The following ZNF7 variants were observed in gnomAD, a reference collection of about 807,000 sequenced individuals.
ZNF7 encodes zinc finger protein 7.
A neutral mutation model predicts 12.0 loss-of-function variants in ZNF7; 10 were observed. The observed-to-expected ratio is 0.83, with a 90% confidence interval of 0.51 to 1.42. The LOEUF (loss-of-function observed/expected upper bound fraction) is 1.42. Ranked by LOEUF, ZNF7 falls within the 40% of genes most tolerant of loss-of-function variation. ZNF7 has a pLI of 0.00. For synonymous variants in ZNF7, 334 were observed against 295.0 expected, an observed-to-expected ratio of 1.13 and a Z score of -1.35; for missense variants, 854 against 837.2, an observed-to-expected ratio of 1.02 and a Z score of -0.25.
At chr8:144,831,600 G>A (rs955315531) in intron 3 of ZNF7, among the ~76,000 whole-genome samples, 2 of 151,874 alleles carry the variant, frequency 1.3e-5, no homozygotes, top group East Asian at 3.9e-4. Context: ...TGGCCAACAG[G>A]GTGAAACCCC....
Position 144,842,771 on chromosome 8 carries a change from G to C in ZNF7, c.1664G>C (p.Cys555Ser). 1 of 1,614,202 alleles carries C rather than the reference G, an allele frequency of 6.2e-7. No homozygotes were observed. Among genetic ancestry groups the C allele is most frequent in the Admixed American group, 1.7e-5 (1 of 60,032 alleles). Reference sequence around the variant, plus strand: ...CACACTGGAGAGAGGCCCTATAAATGTAATGAATGTGGGAAAGCCTTCAGT... The same window carrying C: ...CACACTGGAGAGAGGCCCTATAAATCTAATGAATGTGGGAAAGCCTTCAGT... The part of the protein sequence containing the change: ...RVHTGERPYK[C>S]NECGKAFSQN... Residue 555 changes from cysteine to serine, a missense_variant, in exon 5 of 5, where the codon TGT becomes TCT. Coordinates refer to ENST00000532777, the MANE Select transcript of ZNF7 (RefSeq NM_003416.4).
In ZNF7 at chr8:144,842,725, C is replaced by T. The variant is rs775311498; in HGVS notation, c.1618C>T (p.Leu540Phe). Residue 540 changes from leucine (L) to phenylalanine (F), a missense_variant, in exon 5 of 5, where the codon CTT (leucine) becomes TTT (phenylalanine). Transcript: ENST00000532777. ...AAAAGCCTTCAGTATGAGCACACAG[C>T]TTACAATACATCAAAGGGTTCACAC... ...CGKAFSMSTQ[L>F]TIHQRVHTGE... 1.2e-6 allele frequency: 2 copies of T among 1,614,162 alleles called. No individual in the cohort carries two copies. The highest frequency in any genetic ancestry group is 1.7e-5 in the Admixed American group (1 of 60,030).
rs1380592362 is a variant in ZNF7, at chr8:144,843,101, A to G, written c.1994A>G (p.Asn665Ser). ...ACCGGGGAGAAGCCTTATAAATGCA[A>G]TGACTGTGGCAAAGCTTTTAATCGT... The part of the protein sequence containing the change: ...IHTGEKPYKC[N>S]DCGKAFNRSS... The change falls in exon 5 of 5, where the codon AAT becomes AGT. Residue 665 changes from asparagine (N) to serine (S), a missense_variant. By Grantham distance (46) the Asn-to-Ser change is conservative (BLOSUM62 1). Coordinates refer to ENST00000532777, the MANE Select transcript of ZNF7 (RefSeq NM_003416.4). 2.5e-5 allele frequency: 40 copies of G among 1,612,810 alleles called. No individual in the cohort carries two copies. The highest frequency in any genetic ancestry group is 6.7e-5 in the African/African-American group (5 of 74,838).
intron 3 of ZNF7, chr8:144,835,711 CG>C (rs1828912874): frequency 6.6e-6 from 1 of 152,058 alleles, no homozygotes. Flanking sequence ...AATCCTGCCC[CG>C]GATTTATTAT....
chr8:144,828,944 G>T, intron 1 of ZNF7, 99 bp from the exon 2 acceptor site: 4 of 1,466,040 alleles, frequency 2.7e-6, no homozygotes, highest in Non-Finnish European at 3.7e-6. Context: ...GAAATCTGGG[G>T]CTGGAGGTAA....
Position 144,843,383 on chromosome 8 carries a change from G to A in ZNF7, c.*215G>A, listed in dbSNP as rs550768427. 972 of 495,040 alleles carry A rather than the reference G, an allele frequency of 2.0e-3. 4 individuals are homozygous for A. Among genetic ancestry groups the A allele is most frequent in the East Asian group, 6.9e-3 (199 of 28,934 alleles). The allele number at this position is 495,040 out of a possible 1,614,324, so 30.7% of individuals were successfully genotyped here. A position where few individuals can be genotyped will look rare whatever the true frequency, so the allele number is the denominator to read the frequency against. ...GGCGGGCACATCACGAGGTCAGGAG[G>A]TTGAGACCATCCTGGGTAACAGGTG... On this transcript the variant is annotated 3_prime_UTR_variant, in exon 5 of 5. Coordinates refer to ENST00000532777, the MANE Select transcript of ZNF7 (RefSeq NM_003416.4).
chr8:144,846,898 A>C (rs1254704791), downstream of ZNF7: 1 of 151,994 alleles, frequency 6.6e-6, no homozygotes, highest in Non-Finnish European at 1.5e-5. Flanking sequence ...ACGGGGTTTC[A>C]CTGTGTTAGC....
intron 3 of ZNF7, among the ~76,000 whole-genome samples, chr8:144,832,543 C>T (rs1828560386): frequency 6.6e-6 from 1 of 152,042 alleles, no homozygotes; most frequent in Non-Finnish European, 1.5e-5. Context: ...GCCTGACCAA[C>T]ATGGTGACAC....
At chr8:144,832,852 C>G (rs1396890068) in intron 3 of ZNF7, among the ~76,000 whole-genome samples, 1 of 152,044 alleles carries the variant, frequency 6.6e-6, no homozygotes, top group Non-Finnish European at 1.5e-5. Flanking sequence ...CGTAAAAATC[C>G]CTGTTTTATT....
chr8:144,835,764 T>G (rs1031083738), intron 3 of ZNF7: 6 of 152,206 alleles, frequency 3.9e-5, no homozygotes, highest in East Asian at 3.9e-4. Context: ...TGTGTGGTGT[T>G]TGTTTGTTTT....
At position 144,843,033 on chromosome 8, in the gene ZNF7, A is replaced by G. The variant is rs759448540; in HGVS notation, c.1926A>G (p.Ile642Met). ...KLHQCEDCEK[I>M]FRWRSHLIIH... ...ATCAGTGTGAAGACTGTGAGAAGAT[A>G]TTTAGGTGGCGTTCACACCTAATTA... Residue 642 changes from isoleucine to methionine, a missense_variant, in exon 5 of 5, where the codon ATA becomes ATG. Transcript: ENST00000532777. The G allele has an allele frequency of 6.8e-5, 110 of 1,614,086 alleles. No homozygotes were observed. Among genetic ancestry groups the G allele is most frequent in the Admixed American group, 1.3e-4 (8 of 60,002 alleles).
chr8:144,846,012 C>T (rs1479890436), downstream of ZNF7: 1 of 1,536,560 alleles, frequency 6.5e-7, no homozygotes, highest in Non-Finnish European at 8.7e-7. Flanking sequence ...GGACAAGAGC[C>T]AAGGCACCCA....
Position 144,837,489 on chromosome 8 carries a change from C to T in ZNF7, c.229C>T (p.Pro77Ser), listed in dbSNP as rs1347891622. Residue 77 changes from proline to serine, a missense_variant, in exon 4 of 5, where the codon CCA (proline) becomes TCA (serine). Transcript: ENST00000532777. ...DLQGAEGTEA[P>S]RTSKTDSTIR... ...GCAGGGAGCAGAGGGGACAGAGGCA[C>T]CAAGGACCTCCAAGACAGGTGAGGC... The T allele has an allele frequency of 6.2e-7, 1 of 1,609,744 alleles. No individual in the cohort carries two copies. The highest frequency in any genetic ancestry group is 1.1e-5 in the South Asian group (1 of 90,864).
At position 144,843,450 on chromosome 8, in the gene ZNF7, T is replaced by G. The variant is rs183377118; in HGVS notation, c.*282T>G. ...AAAAATACAAAAATTTAGCTGGGCG[T>G]GGTGGCAGGCACCTGTGGTCCCAGC... is the stretch of plus-strand genomic sequence containing the variant. On this transcript the variant is annotated 3_prime_UTR_variant, in exon 5 of 5. Transcript: ENST00000532777. 1.5e-4 allele frequency: 39 copies of G among 255,208 alleles called. No homozygotes were observed. The East Asian group carries it at 2.4e-3, about 15-fold the overall frequency. The allele number at this position is 255,208 out of a possible 1,614,324, so 15.8% of individuals were successfully genotyped here. A position where few individuals can be genotyped will look rare whatever the true frequency, so the allele number is the denominator to read the frequency against.
At position 144,843,360 on chromosome 8, in the gene ZNF7, C is replaced by T. The variant is rs182599451; in HGVS notation, c.*192C>T. 272 of 604,536 alleles carry T rather than the reference C, an allele frequency of 4.5e-4. 2 individuals are homozygous for T. The highest frequency in any genetic ancestry group is 2.9e-3 in the Admixed American group (81 of 27,560). The allele number at this position is 604,536 out of a possible 1,614,324, so 37.4% of individuals were successfully genotyped here. A position where few individuals can be genotyped will look rare whatever the true frequency, so the allele number is the denominator to read the frequency against. On this transcript the variant is annotated 3_prime_UTR_variant, in exon 5 of 5. Transcript: ENST00000532777. ...ATCCCAGCACTTTGGGAGGCCAAGG[C>T]GGGCACATCACGAGGTCAGGAGGTT...
chr8:144,828,905 C>T lies in ZNF7; in HGVS notation c.-45-138C>T, dbSNP rs114386729. 4.6e-4 allele frequency: 516 copies of T among 1,123,278 alleles called. 1 individual carries two copies. In the African/African-American group the frequency reaches 7.0e-3, roughly 15 times the overall value. The allele number at this position is 1,123,278 out of a possible 1,614,324, so 69.6% of individuals were successfully genotyped here. The stretch of plus-strand genomic sequence containing the variant: ...CTCCTTCACTCAAGTGCCATGGCTG[C>T]TTCAGCCCAGCCCCATGTCCCTGCT... On this transcript the variant is annotated intron_variant, in intron 1 of 4. Transcript: ENST00000532777.
In ZNF7 at chr8:144,842,032, G is replaced by A; in HGVS notation, c.925G>A (p.Glu309Lys). Reference sequence around the variant, plus strand: ...CACTGGGGAGAAGCCCTACAGATGTGAGGAATGTGGAAAAGCTTTTGGTCA... The same window carrying A: ...CACTGGGGAGAAGCCCTACAGATGTAAGGAATGTGGAAAAGCTTTTGGTCA... ...IHTGEKPYRC[E>K]ECGKAFGQSS... The change falls in exon 5 of 5, where the codon GAG (glutamate) becomes AAG (lysine). Residue 309 changes from glutamate to lysine, a missense_variant. Physicochemically the swap from Glu to Lys is moderately conservative, Grantham distance 56. Coordinates refer to ENST00000532777, the MANE Select transcript of ZNF7 (RefSeq NM_003416.4). 1 of 1,613,736 alleles carries A rather than the reference G, an allele frequency of 6.2e-7. No homozygotes were observed. Among genetic ancestry groups the A allele is most frequent in the Non-Finnish European group, 8.5e-7 (1 of 1,179,908 alleles).
chr8:144,843,303 C>G lies in ZNF7; in HGVS notation c.*135C>G. 1 of 1,161,664 alleles carries G rather than the reference C, an allele frequency of 8.6e-7. No homozygotes were observed. Among genetic ancestry groups the G allele is most frequent in the South Asian group, 1.7e-5 (1 of 58,178 alleles). 72.0% of individuals were successfully genotyped at this position (1,161,664 alleles called of 1,614,324 possible). On this transcript the variant is annotated 3_prime_UTR_variant, in exon 5 of 5. Transcript: ENST00000532777. ...CAGAATTGCTCTCAAGAATATCCAA[C>G]TTCAGGCCGAGTGTGGTGGCTTATG...
At chr8:144,838,151 C>T (rs562102680) in intron 4 of ZNF7, 88 of 702,884 alleles carry the variant, frequency 1.3e-4, no homozygotes, top group African/African-American at 7.0e-4. Flanking sequence ...CTTGTGGATG[C>T]GTCCCTCACT....
Sources: allele counts gnomAD v4.1 joint callset (sites outside exome capture counted in the v4.1 genomes callset), GRCh38; gene constraint gnomAD v4.1.1; transcripts MANE v1.5; gene names NCBI Gene and HGNC (gene_info 2026-07-23, HGNC 2026-07-21).